The following COL27A1 variants were observed in gnomAD, a reference collection of about 807,000 sequenced individuals.
COL27A1 encodes collagen type XXVII alpha 1 chain, also known as collagen alpha-1(XXVII) chain.
Under a neutral mutation model 251.3 loss-of-function variants are expected in COL27A1, and 106 were observed. The ratio of observed to expected loss-of-function variants is 0.42; its 90% CI spans 0.36 to 0.50. COL27A1 has a LOEUF of 0.50. Ranked by LOEUF, COL27A1 falls within the 20% of genes least tolerant of loss-of-function variation. The pLI is 0.00. For synonymous variants in COL27A1, 1,000 were observed against 986.3 expected (o/e 1.01, Z -0.26); for missense variants, 2,325 against 2,522.8 (o/e 0.92, Z 1.68).
chr9:114,183,165 C>A, intron 5 of COL27A1, 90 bp downstream of exon 5: 1 of 1,289,606 alleles, frequency 7.8e-7, no homozygotes, highest in South Asian at 1.2e-5. Context: ...GGTGGGAGGG[C>A]TTCAGGGGAA....
intron 7 of COL27A1, among the ~76,000 whole-genome samples, chr9:114,202,283 C>T (rs1007359990): frequency 6.6e-6 from 1 of 152,180 alleles, no homozygotes; most frequent in African/African-American, 2.4e-5. Context: ...CAGATGAAGC[C>T]ACAGGAGCTG....
chr9:114,270,342 A>G (rs1326867704), intron 35 of COL27A1, among the ~76,000 whole-genome samples: 2 of 152,212 alleles, frequency 1.3e-5, no homozygotes, highest in Non-Finnish European at 2.9e-5. Flanking sequence ...GCTGATGTCA[A>G]AGCCTGTCTT....
At position 114,310,549 on chromosome 9, in the gene COL27A1, G is replaced by A. The variant is rs1829375778; in HGVS notation, c.5437G>A (p.Val1813Ile). The A allele has an allele frequency of 1.2e-6, 2 of 1,614,036 alleles. No homozygotes were observed. The highest frequency in any genetic ancestry group is 1.7e-5 in the Admixed American group (1 of 60,000). ...TGTGCACTTTTCCTTCTGCCTTCAG[G>A]TCCAAGATGGCCGCTGGCATCAGAC... ...RPEVSMDGCKVQDGRWHQTLF... is the reference protein window; with the variant it reads ...RPEVSMDGCKIQDGRWHQTLF... The change falls in exon 61 of 61, where the codon GTC becomes ATC. Residue 1813 changes from valine (V) to isoleucine (I), a missense_variant and splice_region_variant. Physicochemically the swap from Val to Ile is conservative, Grantham distance 29. Coordinates refer to ENST00000356083, the MANE Select transcript of COL27A1 (RefSeq NM_032888.4).
At chr9:114,267,798 G>A (rs1199735194) in intron 34 of COL27A1, among the ~76,000 whole-genome samples, 2 of 152,202 alleles carry the variant, frequency 1.3e-5, no homozygotes, top group African/African-American at 2.4e-5. Context: ...TGGGGTGGCT[G>A]TACCTCCTGG....
chr9:114,261,089 T>C (rs1211609754), intron 28 of COL27A1, among the ~76,000 whole-genome samples: 3 of 152,230 alleles, frequency 2.0e-5, no homozygotes, highest in African/African-American at 7.2e-5. Flanking sequence ...GGGCTGGCTG[T>C]GGGGACTCAG....
intron 2 of COL27A1, among the ~76,000 whole-genome samples, chr9:114,164,581 A>G (rs192620409): frequency 6.6e-6 from 1 of 152,290 alleles, no homozygotes; most frequent in African/African-American, 2.4e-5. Context: ...CCATGTGTGG[A>G]GAAAGATGTG....
At chr9:114,252,851 T>G (rs1447558533) in intron 26 of COL27A1, 28 bp from the exon 27 acceptor site, 1 of 1,611,912 alleles carries the variant, frequency 6.2e-7, no homozygotes, top group Admixed American at 1.7e-5. Context: ...CATAGCTGAT[T>G]CCTCCTTTGT....
At chr9:114,215,406 A>T (rs1459636054) in intron 12 of COL27A1, among the ~76,000 whole-genome samples, 3 of 152,170 alleles carry the variant, frequency 2.0e-5, no homozygotes, top group Non-Finnish European at 4.4e-5. Context: ...AGTGACCCAG[A>T]TGTGAACCAG....
intron 2 of COL27A1, among the ~76,000 whole-genome samples, chr9:114,165,302 A>G (rs1334851575): frequency 3.9e-5 from 6 of 152,070 alleles, no homozygotes; most frequent in Non-Finnish European, 8.8e-5. Flanking sequence ...TCATCCACCC[A>G]TTCATCTGCC....
rs1176215249 is a variant in COL27A1 at position 114,229,338 on chromosome 9, C to CGTCT, written c.2467-1728_2467-1725dup. Reference sequence around the variant, plus strand: ...GAGCTGCCATCTGCAAACTCCATGCCGTCTGTCTGTCTGTCTCTCTCTCTC... The same window carrying CGTCT: ...GAGCTGCCATCTGCAAACTCCATGCCGTCTGTCTGTCTGTCTGTCTCTCTCTCTC... On this transcript the variant is annotated intron_variant, in intron 14 of 60. Transcript: ENST00000356083. Among the ~76,000 whole-genome samples, 138 of 152,300 alleles carry CGTCT rather than the reference C, an allele frequency of 9.1e-4. 1 individual carries two copies. The highest frequency in any genetic ancestry group is 3.2e-3 in the African/African-American group (134 of 41,570).
At chr9:114,284,897 C>T (rs1827353616) in intron 41 of COL27A1, 120 bp downstream of exon 41, 3 of 1,064,080 alleles carry the variant, frequency 2.8e-6, no homozygotes, top group Non-Finnish European at 4.3e-6. Flanking sequence ...TGGGGGCTCA[C>T]CCCCTGCAGC....
At chr9:114,234,178 C>CT (rs1434006096) in intron 16 of COL27A1, among the ~76,000 whole-genome samples, 2 of 143,276 alleles carry the variant, frequency 1.4e-5, no homozygotes, top group Admixed American at 7.2e-5. Flanking sequence ...ATTTTCACTC[C>CT]TTTTTTTCAC....
At chr9:114,167,160 A>G (rs1848946335) in intron 2 of COL27A1, among the ~76,000 whole-genome samples, 1 of 152,168 alleles carries the variant, frequency 6.6e-6, no homozygotes, top group South Asian at 2.1e-4. Flanking sequence ...ATGGCTTTCC[A>G]GGTGGAGAAA....
chr9:114,174,199 G>A (rs889750786), intron 3 of COL27A1, among the ~76,000 whole-genome samples: 3 of 152,060 alleles, frequency 2.0e-5, no homozygotes, highest in Non-Finnish European at 2.9e-5. Flanking sequence ...GGATGGTCTC[G>A]ATCTCCTGAC....
chr9:114,166,439 T>TGATCTATC (rs1196112556), intron 2 of COL27A1, among the ~76,000 whole-genome samples: 2 of 26,790 alleles, frequency 7.5e-5, no homozygotes, highest in African/African-American at 1.2e-4. Flanking sequence ...ATCCATCCAT[T>TGATCTATC]CATCTATCCA....
At chr9:114,260,749 G>C (rs1167233752) in intron 28 of COL27A1, among the ~76,000 whole-genome samples, 1 of 152,154 alleles carries the variant, frequency 6.6e-6, no homozygotes, top group Non-Finnish European at 1.5e-5. Context: ...AAAAGAATGA[G>C]GACTCTGGGG....
intron 50 of COL27A1, 50 bp from the exon 51 acceptor site, chr9:114,300,574 CT>C: frequency 6.8e-7 from 1 of 1,476,962 alleles, no homozygotes. Context: ...TGTGGGGGCC[CT>C]TTACCCAGTG....
rs192796917 is a variant in COL27A1, at chr9:114,296,510, G to C, written c.4585-3560G>C. 4.0e-3 allele frequency among the ~76,000 whole-genome samples: 602 copies of C among 152,258 alleles called. 4 individuals carry two copies. Among genetic ancestry groups the C allele is most frequent in the Admixed American group, 0.019 (283 of 15,288 alleles). ...ATTCAAACCACAATAAGATGCTATG[G>C]CATACCTATTAAAATAGTGAAGAGT... On this transcript the variant is annotated intron_variant, in intron 49 of 60. Coordinates refer to ENST00000356083, the MANE Select transcript of COL27A1 (RefSeq NM_032888.4).
At chr9:114,209,808 GGGAAGT>G in intron 11 of COL27A1, 80 bp downstream of exon 11, 2 of 1,376,624 alleles carry the variant, frequency 1.5e-6, no homozygotes, top group Non-Finnish European at 2.1e-6. Context: ...CACCAGCCTG[GGGAAGT>G]CAAGGAATTC....
Sources: allele counts gnomAD v4.1 joint callset (sites outside exome capture counted in the v4.1 genomes callset), GRCh38; gene constraint gnomAD v4.1.1; transcripts MANE v1.5; gene names NCBI Gene and HGNC (gene_info 2026-07-23, HGNC 2026-07-21).